Variants in DCDC1 observed in about 807,000 individuals in gnomAD.
DCDC1 encodes doublecortin domain-containing protein 1.
Under a neutral mutation model 178.3 loss-of-function variants are expected in DCDC1, and 200 were observed. The ratio of observed to expected loss-of-function variants is 1.12; its 90% CI spans 1.00 to 1.26. The LOEUF is 1.26. DCDC1 is among the 50% of genes most tolerant of loss of function. The probability of loss-of-function intolerance (pLI) is 0.00; values close to 1 mark genes in which losing one functional copy is unlikely to be tolerated. For missense variants in DCDC1, 1,983 were observed against 1,749.2 expected (o/e 1.13, Z -2.38); for synonymous variants, 690 against 604.8 (o/e 1.14, Z -2.07).
At chr11:31,233,087 C>CA (rs145908518) in intron 9 of DCDC1, among the ~76,000 whole-genome samples, 1,341 of 122,658 alleles carry the variant, frequency 0.011, 15 homozygotes, top group African/African-American at 0.037. Flanking sequence ...GACTTCATCT[C>CA]AAAAAAAAAA....
In DCDC1 at chr11:30,923,340, C is replaced by A. The variant is rs191085553; in HGVS notation, c.2998-702G>T. Among the ~76,000 whole-genome samples the A allele has an allele frequency of 7.8e-4, 118 of 150,326 alleles. 1 individual carries two copies. Among genetic ancestry groups the A allele is most frequent in the Admixed American group, 7.7e-3 (116 of 15,058 alleles). ...ATAAATGAATTTGTAGTACAAACAC[C>A]AAAATGTCAATGTGGCTATTGCCAG... On this transcript the variant is annotated intron_variant, in intron 23 of 38. Coordinates refer to ENST00000684477, the MANE Select transcript of DCDC1 (RefSeq NM_001387274.1).
At chr11:31,298,018 C>T (rs1158750529) in intron 6 of DCDC1, among the ~76,000 whole-genome samples, 1 of 152,200 alleles carries the variant, frequency 6.6e-6, no homozygotes, top group Non-Finnish European at 1.5e-5. Flanking sequence ...GGCTGTCTCA[C>T]AGACATGTAT....
At chr11:31,255,934 T>A (rs1944393641) in intron 8 of DCDC1, among the ~76,000 whole-genome samples, 1 of 152,196 alleles carries the variant, frequency 6.6e-6, no homozygotes, top group Admixed American at 6.5e-5. Flanking sequence ...CCTATGTTTA[T>A]TTCTGAGTTT....
chr11:31,366,761 G>A (rs1951979722), intron 1 of DCDC1, among the ~76,000 whole-genome samples: 1 of 152,214 alleles, frequency 6.6e-6, no homozygotes, highest in African/African-American at 2.4e-5. Context: ...CAGCCAAGGA[G>A]ATGGGACATC....
chr11:31,111,434 T>C (rs969039854), intron 11 of DCDC1, among the ~76,000 whole-genome samples: 3 of 151,564 alleles, frequency 2.0e-5, no homozygotes, highest in Non-Finnish European at 4.4e-5. Context: ...ATAAAAAGAG[T>C]AGTAATGTCA....
chr11:30,936,583 A>G (rs1947293099), intron 21 of DCDC1, among the ~76,000 whole-genome samples: 1 of 152,172 alleles, frequency 6.6e-6, no homozygotes, highest in Non-Finnish European at 1.5e-5. Context: ...GTTGTAAATG[A>G]CAGATAAACA....
chr11:30,894,155 T>C (rs1417927297), intron 35 of DCDC1, 93 bp downstream of exon 35: 12 of 1,477,268 alleles, frequency 8.1e-6, no homozygotes, highest in Non-Finnish European at 1.1e-5. Flanking sequence ...GCTGAGAATA[T>C]ATTAACAGTA....
chr11:31,068,856 T>A (rs1956397423), intron 18 of DCDC1, among the ~76,000 whole-genome samples: 1 of 134,972 alleles, frequency 7.4e-6, no homozygotes, highest in East Asian at 2.0e-4. Context: ...CATTAATGTA[T>A]TTTTTTTTTT....
intron 7 of DCDC1, among the ~76,000 whole-genome samples, chr11:31,285,591 A>G (rs1157825911): frequency 1.3e-5 from 2 of 152,066 alleles, no homozygotes; most frequent in African/African-American, 2.4e-5. Context: ...GGCCTTTCTT[A>G]AGCTTGAAAA....
intron 9 of DCDC1, among the ~76,000 whole-genome samples, chr11:31,236,009 G>C (rs980005431): frequency 2.0e-5 from 3 of 152,026 alleles, no homozygotes; most frequent in African/African-American, 4.8e-5. Context: ...TTTTGAGCTA[G>C]AGATACATAT....
intron 12 of DCDC1, among the ~76,000 whole-genome samples, chr11:31,107,314 A>G (rs1246333922): frequency 5.3e-5 from 8 of 152,156 alleles, no homozygotes; most frequent in African/African-American, 1.7e-4. Context: ...TGTCTGAGCT[A>G]CACATTTTGT....
At chr11:31,233,453 C>T (rs1293899085) in intron 9 of DCDC1, among the ~76,000 whole-genome samples, 1 of 152,146 alleles carries the variant, frequency 6.6e-6, no homozygotes, top group Non-Finnish European at 1.5e-5. Context: ...TGGTACTCAA[C>T]ACTTCATCAT....
In DCDC1 at chr11:30,868,358, C is replaced by G. The variant is rs187589289; in HGVS notation, c.*41-3026G>C. On this transcript the variant is annotated intron_variant, in intron 38 of 38. Transcript: ENST00000684477. The stretch of plus-strand genomic sequence containing the variant: ...CTCCGCCTCCCGGGTTCCAGAGATT[C>G]TCCTGCCTCAGCCTCTCAAGTAGCT... Among the ~76,000 whole-genome samples, 297 of 143,456 alleles carry G rather than the reference C, an allele frequency of 2.1e-3. 1 individual carries two copies. The highest frequency in any genetic ancestry group is 7.4e-3 in the African/African-American group (283 of 38,316). The allele number at this position is 143,456 out of a possible 152,430, so 94.1% of individuals were successfully genotyped here.
At chr11:31,187,257 T>C (rs1372017394) in intron 9 of DCDC1, among the ~76,000 whole-genome samples, 3 of 152,208 alleles carry the variant, frequency 2.0e-5, no homozygotes, top group Non-Finnish European at 2.9e-5. Context: ...TCTAATGCCA[T>C]TGGTGCATGC....
At chr11:30,923,511 G>T (rs1304361350) in intron 23 of DCDC1, among the ~76,000 whole-genome samples, 1 of 149,290 alleles carries the variant, frequency 6.7e-6, no homozygotes, top group African/African-American at 2.5e-5. Flanking sequence ...TCAGTAAGAA[G>T]AAAGAGAACC....
rs1224425400 is a variant in DCDC1 at position 31,140,867 on chromosome 11, C to T, written c.1222-3083G>A. Among the ~76,000 whole-genome samples the T allele has an allele frequency of 1.4e-4, 21 of 152,270 alleles. 1 individual carries two copies. Among genetic ancestry groups the T allele is most frequent in the Non-Finnish European group, 1.0e-4 (7 of 67,996 alleles). On this transcript the variant is annotated intron_variant, in intron 9 of 38. Transcript: ENST00000684477. Reference sequence around the variant, plus strand: ...ATCAGTTTACTTAAAACTATTAATACTAAGGTGTCAGGCACTGTGCCCTCT... The same window carrying T: ...ATCAGTTTACTTAAAACTATTAATATTAAGGTGTCAGGCACTGTGCCCTCT...
At chr11:30,896,234 A>C (rs1389907711) in intron 34 of DCDC1, among the ~76,000 whole-genome samples, 1 of 152,234 alleles carries the variant, frequency 6.6e-6, no homozygotes, top group East Asian at 1.9e-4. Context: ...ACATTTTCCC[A>C]TATATCCTGT....
In DCDC1 at chr11:30,946,593, A is replaced by G. The variant is rs112753235; in HGVS notation, c.2715+5852T>C. ...TGGCTTCAGACTCCATCTGTTCATG[A>G]TCAAAAGTGCTGCAACTCATTGATT... On this transcript the variant is annotated intron_variant, in intron 21 of 38. Coordinates refer to ENST00000684477, the MANE Select transcript of DCDC1 (RefSeq NM_001387274.1). Among the ~76,000 whole-genome samples the G allele has an allele frequency of 4.2e-3, 644 of 152,278 alleles. 8 individuals carry two copies. Among genetic ancestry groups the G allele is most frequent in the African/African-American group, 0.015 (612 of 41,560 alleles).
Position 30,958,497 on chromosome 11 carries a change from A to G in DCDC1, c.2592-5929T>C, listed in dbSNP as rs189829812. On this transcript the variant is annotated intron_variant, in intron 20 of 38. Transcript: ENST00000684477. ...TCTTACATTGTACATTATCTCCCAG[A>G]AGCAGTTGGCATCAGAGAATGAAAG... Among the ~76,000 whole-genome samples, 16 of 152,268 alleles carry G rather than the reference A, an allele frequency of 1.1e-4. No individual in the cohort carries two copies. The East Asian group carries it at 3.1e-3, about 29-fold the overall frequency.
Sources: gnomAD v4.1 joint callset for allele counts (sites outside exome capture counted in the v4.1 genomes callset) on GRCh38, gnomAD v4.1.1 for gene constraint, MANE v1.5 for transcripts, NCBI Gene and HGNC (gene_info 2026-07-23, HGNC 2026-07-21) for gene names.